CEP128: variants seen among roughly 807,000 people sequenced by gnomAD.
The protein encoded by CEP128 is centrosomal protein 128, also known as centrosomal protein 128kDa.
Under a neutral mutation model 156.7 loss-of-function variants are expected in CEP128, and 132 were observed. The observed-to-expected ratio is 0.84, with a 90% confidence interval of 0.73 to 0.97. The LOEUF (loss-of-function observed/expected upper bound fraction) is 0.97. Among genes scored for constraint, CEP128 ranks in the 50% least tolerant of loss-of-function variants. The probability of loss-of-function intolerance (pLI) is 0.00; values close to 1 mark genes in which losing one functional copy is unlikely to be tolerated. For missense variants in CEP128, 1,252 were observed against 1,281.9 expected (o/e 0.98, Z 0.36); for synonymous variants, 469 against 448.9 (o/e 1.04, Z -0.57).
At chr14:80,597,267 T>C (rs555395995) in intron 19 of CEP128, among the ~76,000 whole-genome samples, 1 of 152,154 alleles carries the variant, frequency 6.6e-6, no homozygotes, top group Non-Finnish European at 1.5e-5. Flanking sequence ...TTCCTATAGG[T>C]CCTGCTGATA....
chr14:80,939,784 A>G (rs1886044419), intron 1 of CEP128, among the ~76,000 whole-genome samples: 1 of 152,182 alleles, frequency 6.6e-6, no homozygotes. Flanking sequence ...CTTGCCAGAG[A>G]GTTCATGCTC....
intron 2 of CEP128, among the ~76,000 whole-genome samples, chr14:80,938,376 A>T (rs1041356609): frequency 2.0e-5 from 3 of 151,102 alleles, no homozygotes; most frequent in Non-Finnish European, 2.9e-5. Flanking sequence ...CCTCCCAAGT[A>T]GCTGGGACTA....
At chr14:80,720,752 G>A (rs182513096) in intron 19 of CEP128, among the ~76,000 whole-genome samples, 17 of 152,248 alleles carry the variant, frequency 1.1e-4, no homozygotes, top group East Asian at 1.9e-4. Flanking sequence ...TCTAGGTAGC[G>A]GAAACGAAGT....
At chr14:80,586,063 A>C (rs1419061982) in intron 19 of CEP128, among the ~76,000 whole-genome samples, 1 of 151,996 alleles carries the variant, frequency 6.6e-6, no homozygotes, top group African/African-American at 2.4e-5. Flanking sequence ...GGAATCATTG[A>C]CATTTTAGAG....
chr14:80,888,620 G>A (rs1888927344), intron 8 of CEP128, among the ~76,000 whole-genome samples: 1 of 152,082 alleles, frequency 6.6e-6, no homozygotes. Flanking sequence ...AGGTATTGAG[G>A]GAACATATCT....
intron 19 of CEP128, among the ~76,000 whole-genome samples, chr14:80,675,363 TATAAG>T (rs1346283574): frequency 7.2e-5 from 11 of 152,200 alleles, no homozygotes; most frequent in African/African-American, 2.6e-4. Flanking sequence ...TATTCAACTT[TATAAG>T]ATGTTTTTTA....
chr14:80,556,384 T>C (rs1890437227), intron 21 of CEP128, among the ~76,000 whole-genome samples: 1 of 152,200 alleles, frequency 6.6e-6, no homozygotes, highest in African/African-American at 2.4e-5. Context: ...TTAACAGTCA[T>C]TCTTTCATTC....
intron 2 of CEP128, among the ~76,000 whole-genome samples, chr14:80,936,221 CT>C (rs1310774805): frequency 6.6e-6 from 1 of 152,172 alleles, no homozygotes; most frequent in Admixed American, 6.5e-5. Context: ...AGAGTAGATT[CT>C]AAATGTTTAT....
At chr14:80,897,486 T>C (rs910125136) in intron 7 of CEP128, among the ~76,000 whole-genome samples, 1 of 152,142 alleles carries the variant, frequency 6.6e-6, no homozygotes, top group African/African-American at 2.4e-5. Context: ...CATTTGAACG[T>C]CTCACAGGCA....
At chr14:80,954,844 G>A (rs375760106) in intron 2 of CEP128, 1 of 152,170 alleles carries the variant, frequency 6.6e-6, no homozygotes, top group African/African-American at 2.4e-5. Flanking sequence ...TTCTTGGGTC[G>A]ACCAGAATTT....
intron 6 of CEP128, among the ~76,000 whole-genome samples, chr14:80,904,407 A>G (rs1365982822): frequency 6.6e-6 from 1 of 152,082 alleles, no homozygotes. Context: ...GACAGACAGG[A>G]GGAATAGGTT....
intron 18 of CEP128, among the ~76,000 whole-genome samples, chr14:80,746,662 C>T (rs1566891685): frequency 6.6e-6 from 1 of 152,164 alleles, no homozygotes; most frequent in African/African-American, 2.4e-5. Context: ...AGGCATAAAT[C>T]GTTGTGACCT....
intron 19 of CEP128, among the ~76,000 whole-genome samples, chr14:80,708,404 G>A (rs1191543273): frequency 6.6e-6 from 1 of 152,080 alleles, no homozygotes; most frequent in Non-Finnish European, 1.5e-5. Flanking sequence ...TTTTTAATAA[G>A]TTGTTTATAT....
chr14:80,857,234 G>GTT (rs528258601), intron 9 of CEP128, among the ~76,000 whole-genome samples: 9 of 133,248 alleles, frequency 6.8e-5, no homozygotes, highest in East Asian at 4.4e-4. Flanking sequence ...TTTTTTTACA[G>GTT]TTTTTTTTTT....
rs8015542 is a variant in CEP128 at position 80,895,633 on chromosome 14, C to A, written c.645+85G>T. On this transcript the variant is annotated intron_variant, in intron 8 of 24. Transcript: ENST00000555265. ...GGGACATACCACCCAAAAGGTTAAACTCTACTAAACTTCACTGTGATTATG... is the reference window on the plus strand; with the variant it reads ...GGGACATACCACCCAAAAGGTTAAAATCTACTAAACTTCACTGTGATTATG... 0.017 allele frequency: 15,229 copies of A among 880,250 alleles called. 1,543 individuals carry two copies. The African/African-American group carries it at 0.23, about 13-fold the overall frequency. 54.5% of individuals were successfully genotyped at this position (880,250 alleles called of 1,614,324 possible).
chr14:80,512,188 T>A (rs1339115703), intron 23 of CEP128, among the ~76,000 whole-genome samples: 1 of 152,176 alleles, frequency 6.6e-6, no homozygotes, highest in East Asian at 1.9e-4. Context: ...CTTCAGCTTT[T>A]ATTGTATTGG....
At chr14:80,900,050 T>C (rs1230116771) in intron 6 of CEP128, 21 bp from the exon 7 acceptor site, 1 of 1,505,216 alleles carries the variant, frequency 6.6e-7, no homozygotes, top group African/African-American at 1.4e-5. Context: ...CAAAACACAG[T>C]TATCCATTTA....
chr14:80,755,781 T>C (rs2139659781), intron 18 of CEP128, among the ~76,000 whole-genome samples: 1 of 152,312 alleles, frequency 6.6e-6, no homozygotes, highest in East Asian at 1.9e-4. Context: ...AACCCATCTT[T>C]CTAGCAAATA....
At position 80,817,698 on chromosome 14, in the gene CEP128, T is replaced by G. The variant is rs145001087; in HGVS notation, c.1209+13445A>C. Among the ~76,000 whole-genome samples the G allele has an allele frequency of 8.9e-3, 1,351 of 152,182 alleles. 20 individuals are homozygous for G. The highest frequency in any genetic ancestry group is 0.031 in the African/African-American group (1,279 of 41,540). On this transcript the variant is annotated intron_variant, in intron 13 of 24. Coordinates refer to ENST00000555265, the MANE Select transcript of CEP128 (RefSeq NM_152446.5). The stretch of plus-strand genomic sequence containing the variant: ...GAGATCAAGGCCATCCTGGCCAACG[T>G]GATGAAACCCCATCTCTACTAAAAT...
Sources: allele counts gnomAD v4.1 joint callset (sites outside exome capture counted in the v4.1 genomes callset), GRCh38; gene constraint gnomAD v4.1.1; transcripts MANE v1.5; gene names NCBI Gene and HGNC (gene_info 2026-07-23, HGNC 2026-07-21).